Variants in PTGER3 observed in about 807,000 individuals in gnomAD.
PTGER3 encodes the protein prostaglandin E2 receptor EP3 subtype.
PTGER3 carries 22 observed loss-of-function variants against 34.7 expected under a neutral mutation model. The observed-to-expected ratio is 0.63, with a 90% CI of 0.45 to 0.91. The LOEUF (loss-of-function observed/expected upper bound fraction) is 0.91, where lower values mean the gene tolerates loss of function less well. Ranked by LOEUF, PTGER3 falls within the 40% of genes least tolerant of loss-of-function variation. The probability of loss-of-function intolerance (pLI) is 0.00; values close to 1 mark genes in which losing one functional copy is unlikely to be tolerated. For missense variants in PTGER3, 468 were observed against 519.4 expected, an observed-to-expected ratio of 0.90 and a Z score of 0.96; for synonymous variants, 241 against 230.1, an observed-to-expected ratio of 1.05 and a Z score of -0.43.
chr1:70,932,298 A>C (rs1648782642), intron 4 of PTGER3, among the ~76,000 whole-genome samples: 1 of 152,070 alleles, frequency 6.6e-6, no homozygotes, highest in South Asian at 2.1e-4. Context: ...AAACTTTCCC[A>C]CATTTTCCTG....
chr1:71,014,862 T>G (rs897587050), intron 1 of PTGER3, among the ~76,000 whole-genome samples: 1 of 152,202 alleles, frequency 6.6e-6, no homozygotes, highest in African/African-American at 2.4e-5. Flanking sequence ...AGGTGCAGCT[T>G]CCAATCCCAG....
At chr1:70,888,291 GGC>G (rs1646541150) in intron 4 of PTGER3, among the ~76,000 whole-genome samples, 1 of 152,084 alleles carries the variant, frequency 6.6e-6, no homozygotes, top group Non-Finnish European at 1.5e-5. Context: ...ATAAATAATA[GGC>G]TTCTGGAGAC....
chr1:71,046,645 C>A (rs376509801), intron 1 of PTGER3, 36 bp downstream of exon 1: 9 of 1,509,818 alleles, frequency 6.0e-6, no homozygotes, highest in Middle Eastern at 1.8e-4. Flanking sequence ...TACTCGCACA[C>A]GCATCCTGAC....
intron 2 of PTGER3, among the ~76,000 whole-genome samples, chr1:70,998,504 A>T (rs1394609386): frequency 1.3e-5 from 2 of 152,192 alleles, no homozygotes; most frequent in Non-Finnish European, 2.9e-5. Context: ...CTCATTAAAA[A>T]TGTGAATATG....
intron 4 of PTGER3, among the ~76,000 whole-genome samples, chr1:70,870,860 C>A (rs1181991316): frequency 1.3e-5 from 2 of 152,286 alleles, no homozygotes; most frequent in South Asian, 2.1e-4. Flanking sequence ...TCACTATCGG[C>A]ATTTTGGTTA....
At chr1:71,033,582 T>A (rs1659581643) in intron 1 of PTGER3, among the ~76,000 whole-genome samples, 1 of 152,270 alleles carries the variant, frequency 6.6e-6, no homozygotes, top group African/African-American at 2.4e-5. Context: ...CACCTAGAAC[T>A]GTGCCTGACA....
At chr1:70,974,467 A>G in intron 2 of PTGER3, 79 bp from the exon 3 acceptor site, 1 of 734,178 alleles carries the variant, frequency 1.4e-6, no homozygotes, top group Non-Finnish European at 2.5e-6. Context: ...CTGCATATCA[A>G]AGTCACATTG....
At chr1:71,043,579 G>A (rs2101002836) in intron 1 of PTGER3, among the ~76,000 whole-genome samples, 1 of 152,246 alleles carries the variant, frequency 6.6e-6, no homozygotes, top group East Asian at 1.9e-4. Context: ...AATTAGAATA[G>A]TATCCTACAC....
At chr1:70,916,910 C>T (rs968904193) in intron 4 of PTGER3, among the ~76,000 whole-genome samples, 6 of 151,836 alleles carry the variant, frequency 4.0e-5, no homozygotes, top group Admixed American at 6.6e-5. Flanking sequence ...ACAATTGACA[C>T]GTAATTGTAT....
chr1:70,863,097 A>G (rs1645963355), intron 4 of PTGER3, among the ~76,000 whole-genome samples: 2 of 151,894 alleles, frequency 1.3e-5, no homozygotes, highest in Admixed American at 6.6e-5. Flanking sequence ...AGAGAAAGAG[A>G]TGATGGGCCA....
intron 2 of PTGER3, chr1:71,006,177 A>G: frequency 1.0e-6 from 1 of 985,044 alleles, no homozygotes; most frequent in African/African-American, 1.7e-5. Context: ...CTGAAATACT[A>G]AAGAATCAAG....
intron 4 of PTGER3, among the ~76,000 whole-genome samples, chr1:70,878,619 TC>T (rs1409253270): frequency 1.3e-5 from 2 of 152,152 alleles, no homozygotes; most frequent in Non-Finnish European, 2.9e-5. Context: ...GCCATAAACT[TC>T]CCCCTTAACA....
chr1:71,046,096 A>G (rs912693053), intron 1 of PTGER3, among the ~76,000 whole-genome samples: 4 of 151,220 alleles, frequency 2.6e-5, no homozygotes. Flanking sequence ...GATCGAGACC[A>G]CGGTGAAACC....
At chr1:70,995,285 T>C (rs1157377575) in intron 2 of PTGER3, among the ~76,000 whole-genome samples, 1 of 152,188 alleles carries the variant, frequency 6.6e-6, no homozygotes, top group Non-Finnish European at 1.5e-5. Context: ...GGTATCAGTG[T>C]TGCCAGAAAA....
intron 1 of PTGER3, among the ~76,000 whole-genome samples, chr1:71,032,711 A>G (rs961385269): frequency 2.0e-5 from 3 of 152,204 alleles, no homozygotes; most frequent in African/African-American, 4.8e-5. Flanking sequence ...ATTTATGTGA[A>G]TCAAGCAACT....
At chr1:70,933,081 A>G (rs1648873343) in intron 4 of PTGER3, among the ~76,000 whole-genome samples, 1 of 152,120 alleles carries the variant, frequency 6.6e-6, no homozygotes, top group Non-Finnish European at 1.5e-5. Flanking sequence ...CTATAACTAG[A>G]CCATGAGCTC....
intron 1 of PTGER3, among the ~76,000 whole-genome samples, chr1:71,030,897 A>G (rs1256182894): frequency 2.0e-5 from 3 of 152,052 alleles, no homozygotes; most frequent in African/African-American, 4.8e-5. Flanking sequence ...CAACGAAGTG[A>G]TTTGAAAATA....
rs6695306 is a variant in PTGER3, at chr1:70,939,244, G to A, written c.*23+14519C>T. On this transcript the variant is annotated intron_variant, in intron 4 of 4. Transcript: ENST00000370931. ...TGTCCCACATCCAGGTCAGGCTGAC[G>A]CAAGAGGTAAGTTCCCATGGTCTTG... Among the ~76,000 whole-genome samples the A allele has an allele frequency of 7.3e-3, 1,112 of 152,300 alleles. 15 individuals carry two copies. The highest frequency in any genetic ancestry group is 0.025 in the African/African-American group (1,059 of 41,564).
At chr1:70,975,552 G>A (rs1181244396) in intron 2 of PTGER3, among the ~76,000 whole-genome samples, 3 of 151,672 alleles carry the variant, frequency 2.0e-5, no homozygotes, top group African/African-American at 7.3e-5. Context: ...TAAACAGCAC[G>A]GCCATTTTAA....
Sources: gnomAD v4.1 joint callset for allele counts (sites outside exome capture counted in the v4.1 genomes callset) on GRCh38, gnomAD v4.1.1 for gene constraint, MANE v1.5 for transcripts, NCBI Gene and HGNC (gene_info 2026-07-23, HGNC 2026-07-21) for gene names.